DIPK1A: variants seen among roughly 807,000 people sequenced by gnomAD.
The protein encoded by DIPK1A is divergent protein kinase domain 1A, also known as family with sequence similarity 69 member A.
DIPK1A carries 27 observed loss-of-function variants against 40.8 expected under a neutral mutation model. The observed-to-expected ratio is 0.66, with a 90% CI of 0.49 to 0.91. The LOEUF is 0.91. Among genes scored for constraint, DIPK1A ranks in the 40% least tolerant of loss-of-function variants. The pLI, the probability that DIPK1A is intolerant of heterozygous loss-of-function variation, is 0.00. For missense variants in DIPK1A, 412 were observed against 505.7 expected, an observed-to-expected ratio of 0.81 and a Z score of 1.78; for synonymous variants, 166 against 171.3, an observed-to-expected ratio of 0.97 and a Z score of 0.24.
chr1:92,896,001 A>G (rs1429075009), intron 1 of DIPK1A, among the ~76,000 whole-genome samples: 1 of 151,558 alleles, frequency 6.6e-6, no homozygotes, highest in Non-Finnish European at 1.5e-5. Flanking sequence ...AAGGAAATAA[A>G]AGAGGATACA....
chr1:92,849,689 T>A (rs1687749955), intron 3 of DIPK1A, among the ~76,000 whole-genome samples: 2 of 152,050 alleles, frequency 1.3e-5, no homozygotes, highest in African/African-American at 4.8e-5. Flanking sequence ...ATTTTTTGTG[T>A]TTTTAGTAGA....
intron 2 of DIPK1A, among the ~76,000 whole-genome samples, chr1:92,867,664 C>A (rs1050008603): frequency 6.6e-6 from 1 of 152,074 alleles, no homozygotes; most frequent in Admixed American, 6.6e-5. Context: ...CACTGGCACA[C>A]CTGGCTAATT....
At chr1:92,887,234 T>G (rs1648651379) in intron 1 of DIPK1A, among the ~76,000 whole-genome samples, 1 of 110,784 alleles carries the variant, frequency 9.0e-6, no homozygotes. Flanking sequence ...TAGAGAAACA[T>G]AGGAAGACCC....
intron 1 of DIPK1A, among the ~76,000 whole-genome samples, chr1:92,914,760 C>T (rs778756740): frequency 4.0e-4 from 56 of 140,546 alleles, no homozygotes; most frequent in African/African-American, 1.0e-3. Flanking sequence ...CAGAGTGAGA[C>T]TCCGTCTCAA....
chr1:92,859,948 T>C (rs1042170794), intron 2 of DIPK1A, among the ~76,000 whole-genome samples: 28 of 152,194 alleles, frequency 1.8e-4, no homozygotes, highest in Admixed American at 1.8e-3. Context: ...GCAATCTGCC[T>C]GCCTTGGTCT....
intron 4 of DIPK1A, chr1:92,834,762 T>G: frequency 6.2e-7 from 1 of 1,612,410 alleles, no homozygotes; most frequent in Non-Finnish European, 8.5e-7. Context: ...ACTAACCTAG[T>G]TTCTCTCTTA....
chr1:92,912,347 T>C (rs1031688865), intron 1 of DIPK1A, among the ~76,000 whole-genome samples: 4 of 152,156 alleles, frequency 2.6e-5, no homozygotes, highest in African/African-American at 9.6e-5. Flanking sequence ...TGGGCGTTAG[T>C]TTTTTATATG....
intron 1 of DIPK1A, among the ~76,000 whole-genome samples, chr1:92,886,801 A>G (rs2100794040): frequency 6.6e-6 from 1 of 152,134 alleles, no homozygotes; most frequent in Admixed American, 6.5e-5. Context: ...ATGACCCATG[A>G]GCCAAATCCA....
chr1:92,833,368 TAAC>T, intron 4 of DIPK1A: 1 of 1,585,204 alleles, frequency 6.3e-7, no homozygotes, highest in Non-Finnish European at 8.7e-7. Context: ...AAAGTTTTAA[TAAC>T]ATTCTTTTTT....
At chr1:92,865,622 C>T (rs1189251396) in intron 2 of DIPK1A, among the ~76,000 whole-genome samples, 2 of 152,070 alleles carry the variant, frequency 1.3e-5, no homozygotes, top group African/African-American at 2.4e-5. Flanking sequence ...TAGAGTCAAG[C>T]CCTAAATAAT....
Position 92,843,651 on chromosome 1 carries a change from C to G in DIPK1A, c.1019G>C (p.Gly340Ala), listed in dbSNP as rs1281141868. The change falls in exon 5 of 5, where the codon GGC becomes GCC. Residue 340 changes from glycine to alanine, a missense_variant. Gly to Ala is a moderately conservative substitution (Grantham distance 60, BLOSUM62 0). Transcript: ENST00000370310. ...ATCACAGCTAGTTCTACAATCTGTG[C>G]CATAGACACAGTCCAAATCAGACTC... ...HCESDLDCVY[G>A]TDCRTSCDQS... The G allele has an allele frequency of 6.4e-7, 1 of 1,551,676 alleles. No individual in the cohort carries two copies. Among genetic ancestry groups the G allele is most frequent in the Admixed American group, 2.0e-5 (1 of 51,002 alleles).
At chr1:92,937,286 T>C (rs1571141018) in intron 1 of DIPK1A, among the ~76,000 whole-genome samples, 1 of 147,242 alleles carries the variant, frequency 6.8e-6, no homozygotes, top group Non-Finnish European at 1.5e-5. Flanking sequence ...CATGAAGCCC[T>C]GTCTCTACTA....
intron 1 of DIPK1A, among the ~76,000 whole-genome samples, chr1:92,934,794 T>C (rs1241805422): frequency 6.6e-6 from 1 of 152,286 alleles, no homozygotes; most frequent in East Asian, 1.9e-4. Context: ...TCCCTAGGGA[T>C]ACAGATTTGC....
At chr1:92,885,105 G>T (rs909342191) in intron 1 of DIPK1A, among the ~76,000 whole-genome samples, 1 of 152,104 alleles carries the variant, frequency 6.6e-6, no homozygotes, top group African/African-American at 2.4e-5. Context: ...AAAAGCAGAG[G>T]TATATGTCCA....
intron 2 of DIPK1A, among the ~76,000 whole-genome samples, chr1:92,860,596 C>T (rs200431584): frequency 1.4e-5 from 2 of 146,682 alleles, no homozygotes; most frequent in East Asian, 4.0e-4. Context: ...TCGAGACCAG[C>T]CTGGCCAACT....
Position 92,843,809 on chromosome 1 carries a change from G to T in DIPK1A, c.861C>A (p.Tyr287Ter). The change falls in exon 5 of 5, where the codon TAC (tyrosine) becomes TAA (stop). Residue 287 changes from tyrosine (Y) to a stop codon, truncating the protein, a stop_gained. Coordinates refer to ENST00000370310, the MANE Select transcript of DIPK1A (RefSeq NM_001006605.5). LOFTEE classifies it high-confidence loss of function. ...TAGTATCGCACATGAGGAAATTTCC[G>T]TAGGGGCCATGGAAAACATCTTCCA... ...EFVEDVFHGPYGNFLMCDTSA... is the reference protein window; with the variant it reads ...EFVEDVFHGP 6.4e-7 allele frequency: 1 copy of T among 1,551,858 alleles called. No individual in the cohort carries two copies. The highest frequency in any genetic ancestry group is 8.7e-7 in the Non-Finnish European group (1 of 1,147,042).
chr1:92,895,594 A>G (rs1315303704), intron 1 of DIPK1A, among the ~76,000 whole-genome samples: 1 of 152,096 alleles, frequency 6.6e-6, no homozygotes, highest in Non-Finnish European at 1.5e-5. Flanking sequence ...AAACTGGCAC[A>G]AGACAGGGAT....
intron 1 of DIPK1A, among the ~76,000 whole-genome samples, chr1:92,949,367 C>T (rs1310818292): frequency 2.6e-5 from 4 of 152,060 alleles, no homozygotes; most frequent in Non-Finnish European, 4.4e-5. Flanking sequence ...CTCCACCTCC[C>T]GGGTTCAAGC....
downstream of DIPK1A, chr1:92,840,791 G>C (rs772581308): frequency 1.3e-6 from 1 of 744,280 alleles, no homozygotes; most frequent in African/African-American, 1.7e-5. Flanking sequence ...AGTAACTGTG[G>C]TGATGGAAAT....
Sources: gnomAD v4.1 joint callset for allele counts (sites outside exome capture counted in the v4.1 genomes callset) on GRCh38, gnomAD v4.1.1 for gene constraint, MANE v1.5 for transcripts, NCBI Gene and HGNC (gene_info 2026-07-23, HGNC 2026-07-21) for gene names.